KIAA1328: variants seen among roughly 807,000 people sequenced by gnomAD.
KIAA1328 encodes KIAA1328.
Under a neutral mutation model 68.1 loss-of-function variants are expected in KIAA1328, and 52 were observed. The ratio of observed to expected loss-of-function variants is 0.76; its 90% CI spans 0.61 to 0.96. KIAA1328 has a LOEUF of 0.96. KIAA1328 is among the 40% of genes least tolerant of loss of function. The probability of loss-of-function intolerance (pLI) is 0.00; values close to 1 mark genes in which losing one functional copy is unlikely to be tolerated. For missense variants in KIAA1328, 641 were observed against 677.6 expected, an observed-to-expected ratio of 0.95 and a Z score of 0.60; for synonymous variants, 232 against 239.4, an observed-to-expected ratio of 0.97 and a Z score of 0.28.
chr18:37,218,599 G>T (rs2060494421), intron 9 of KIAA1328, among the ~76,000 whole-genome samples: 1 of 152,190 alleles, frequency 6.6e-6, no homozygotes, highest in Non-Finnish European at 1.5e-5. Context: ...TCCACTCGAT[G>T]GAATCAGCTT....
chr18:37,052,201 A>G (rs1395418129), intron 6 of KIAA1328, among the ~76,000 whole-genome samples: 2 of 152,214 alleles, frequency 1.3e-5, no homozygotes, highest in African/African-American at 4.8e-5. Flanking sequence ...AACATATGCA[A>G]ATGAATAAAT....
intron 5 of KIAA1328, among the ~76,000 whole-genome samples, chr18:36,920,654 G>A (rs1428383703): frequency 2.6e-5 from 4 of 152,218 alleles, no homozygotes; most frequent in East Asian, 3.9e-4. Context: ...GCCTCTCTGA[G>A]GACCCTATCA....
intron 9 of KIAA1328, among the ~76,000 whole-genome samples, chr18:37,210,648 CAT>C (rs2060299304): frequency 6.6e-6 from 1 of 152,194 alleles, no homozygotes; most frequent in African/African-American, 2.4e-5. Context: ...TCTCCTATCA[CAT>C]GTCTCCTTAG....
At chr18:36,956,293 T>A (rs552191778) in intron 5 of KIAA1328, among the ~76,000 whole-genome samples, 1 of 152,358 alleles carries the variant, frequency 6.6e-6, no homozygotes, top group Admixed American at 6.5e-5. Context: ...CTTCCACTTC[T>A]TAAAAGGTGG....
intron 5 of KIAA1328, among the ~76,000 whole-genome samples, chr18:36,932,149 G>A (rs187122725): frequency 2.1e-4 from 32 of 152,082 alleles, no homozygotes; most frequent in African/African-American, 5.5e-4. Flanking sequence ...TTATGACAAA[G>A]ATCGTATTAG....
intron 5 of KIAA1328, among the ~76,000 whole-genome samples, chr18:36,928,121 T>A (rs1483935191): frequency 2.0e-5 from 3 of 152,062 alleles, no homozygotes; most frequent in Non-Finnish European, 4.4e-5. Flanking sequence ...GTTTTTTTTA[T>A]TTTTTTTATA....
intron 7 of KIAA1328, among the ~76,000 whole-genome samples, chr18:37,141,313 G>A (rs548497446): frequency 1.3e-5 from 2 of 152,124 alleles, no homozygotes; most frequent in Non-Finnish European, 2.9e-5. Context: ...AAATATTATT[G>A]TGTGTTCTAA....
intron 5 of KIAA1328, among the ~76,000 whole-genome samples, chr18:36,938,831 C>T (rs941698801): frequency 5.9e-5 from 9 of 152,034 alleles, no homozygotes; most frequent in African/African-American, 2.2e-4. Flanking sequence ...TACCATTTAT[C>T]GAAGAGACTC....
At chr18:36,910,685 T>C (rs1195466179) in intron 5 of KIAA1328, among the ~76,000 whole-genome samples, 1 of 152,176 alleles carries the variant, frequency 6.6e-6, no homozygotes, top group Non-Finnish European at 1.5e-5. Flanking sequence ...TTGTTGGGGA[T>C]GGCATTAAAT....
rs1319813698 is a variant in KIAA1328, at chr18:37,136,594, C to T, written c.1233-23606C>T. On this transcript the variant is annotated intron_variant, in intron 7 of 9. Transcript: ENST00000280020. ...TTTCATCAGTATATGTATGTTGGGC[C>T]TCTTGTCTGTGTACCTCCACATGGA... is the stretch of plus-strand genomic sequence containing the variant. 6.6e-5 allele frequency among the ~76,000 whole-genome samples: 10 copies of T among 152,306 alleles called. 1 individual carries two copies. In the East Asian group the frequency reaches 1.9e-3, roughly 29 times the overall value.
rs1485848717 is a variant in KIAA1328 at position 36,939,759 on chromosome 18, A to C, written c.449-19549A>C. The stretch of plus-strand genomic sequence containing the variant: ...TATGACCTTTATTGTGTTGAGGTAC[A>C]TGTTTTCTGTGCCTAATTTGTTGAG... On this transcript the variant is annotated intron_variant, in intron 5 of 9. Transcript: ENST00000280020. 2.0e-5 allele frequency among the ~76,000 whole-genome samples: 3 copies of C among 152,058 alleles called. No homozygotes were observed. The East Asian group carries it at 5.8e-4, about 29-fold the overall frequency.
intron 6 of KIAA1328, among the ~76,000 whole-genome samples, chr18:37,003,795 T>G (rs1308862596): frequency 6.6e-6 from 1 of 152,154 alleles, no homozygotes; most frequent in Admixed American, 6.6e-5. Context: ...AGTTTCGTTC[T>G]CTTAAATGTG....
chr18:36,867,407 G>A (rs1051249712), intron 4 of KIAA1328, among the ~76,000 whole-genome samples: 26 of 152,186 alleles, frequency 1.7e-4, no homozygotes, highest in African/African-American at 6.3e-4. Flanking sequence ...TTTCTGTACA[G>A]CCTGCAGAAC....
intron 7 of KIAA1328, among the ~76,000 whole-genome samples, chr18:37,146,267 G>A (rs2058897288): frequency 6.6e-6 from 1 of 151,986 alleles, no homozygotes; most frequent in Non-Finnish European, 1.5e-5. Flanking sequence ...GTAGGCCTCA[G>A]TGTCTATTGT....
chr18:36,873,769 G>A (rs147734269), intron 4 of KIAA1328, among the ~76,000 whole-genome samples: 5 of 152,116 alleles, frequency 3.3e-5, no homozygotes, highest in South Asian at 2.1e-4. Context: ...TACATGTGCC[G>A]TGGTGGTTTG....
chr18:36,894,003 C>G (rs1246624), intron 5 of KIAA1328, among the ~76,000 whole-genome samples: 9,901 of 152,098 alleles, frequency 0.065, 1,063 homozygotes, highest in African/African-American at 0.22. Context: ...CTTTCACTTA[C>G]GCATTTTTAA....
chr18:36,975,214 G>C (rs545982498), intron 6 of KIAA1328, among the ~76,000 whole-genome samples: 1 of 127,240 alleles, frequency 7.9e-6, no homozygotes, highest in Non-Finnish European at 1.6e-5. Flanking sequence ...ACGGAGTCTC[G>C]CTCTGTCGCC....
chr18:36,894,866 A>G (rs1457745116), intron 5 of KIAA1328, among the ~76,000 whole-genome samples: 3 of 152,008 alleles, frequency 2.0e-5, no homozygotes, highest in Non-Finnish European at 2.9e-5. Context: ...TTTTCATACC[A>G]TTCCACAGCT....
chr18:37,171,867 C>T (rs555489836), intron 8 of KIAA1328, among the ~76,000 whole-genome samples: 158 of 152,276 alleles, frequency 1.0e-3, no homozygotes, highest in Middle Eastern at 3.4e-3. Context: ...TGGGATTGCA[C>T]CACTACACTC....
Sources: gnomAD v4.1 joint callset for allele counts (sites outside exome capture counted in the v4.1 genomes callset) on GRCh38, gnomAD v4.1.1 for gene constraint, MANE v1.5 for transcripts, NCBI Gene and HGNC (gene_info 2026-07-23, HGNC 2026-07-21) for gene names.